Variants in ATP8A1 observed in about 807,000 individuals in gnomAD.
ATP8A1 encodes ATPase phospholipid transporting 8A1.
In ATP8A1, 90 loss-of-function variants were observed where a neutral mutation model predicts 177.7. The observed-to-expected ratio is 0.51, with a 90% CI of 0.43 to 0.60. The LOEUF (loss-of-function observed/expected upper bound fraction) is 0.60. Ranked by LOEUF, ATP8A1 falls within the 20% of genes least tolerant of loss-of-function variation. The probability of loss-of-function intolerance (pLI) is 0.00; values close to 1 mark genes in which losing one functional copy is unlikely to be tolerated. For synonymous variants in ATP8A1, 493 were observed against 485.9 expected, an observed-to-expected ratio of 1.01 and a Z score of -0.19; for missense variants, 1,072 against 1,392.8, an observed-to-expected ratio of 0.77 and a Z score of 3.67.
intron 35 of ATP8A1, among the ~76,000 whole-genome samples, chr4:42,421,340 A>T (rs1327645869): frequency 3.9e-5 from 6 of 152,176 alleles, no homozygotes; most frequent in Non-Finnish European, 8.8e-5. Context: ...ATTTTTGAAC[A>T]AACAGCAAAA....
At position 42,524,846 on chromosome 4, in the gene ATP8A1, T is replaced by A. The variant is rs1489696054; in HGVS notation, c.1724A>T (p.Asp575Val). ...GKLRLYCKGA[D>V]TVIYDRLAET... ...TGCCAGTCGATCATAAATTACAGTG[T>A]CCTGGAAAACAAACAGAGGGTAAAA... Residue 575 changes from aspartate to valine, a missense_variant and splice_region_variant, in exon 21 of 37, where the codon GAC (aspartate) becomes GTC (valine). Coordinates refer to ENST00000381668, the MANE Select transcript of ATP8A1 (RefSeq NM_006095.2). 6.3e-7 allele frequency: 1 copy of A among 1,599,562 alleles called. No homozygotes were observed. The highest frequency in any genetic ancestry group is 8.5e-7 in the Non-Finnish European group (1 of 1,172,450).
At chr4:42,635,776 C>CATAT (rs1489319364) in intron 1 of ATP8A1, among the ~76,000 whole-genome samples, 4 of 37,212 alleles carry the variant, frequency 1.1e-4, no homozygotes, top group African/African-American at 2.3e-4. Flanking sequence ...CACACACACA[C>CATAT]ACACACATAT....
At chr4:42,540,567 A>G (rs542062952) in intron 20 of ATP8A1, among the ~76,000 whole-genome samples, 3 of 150,480 alleles carry the variant, frequency 2.0e-5, no homozygotes, top group Admixed American at 1.3e-4. Flanking sequence ...AAAAAAAAAC[A>G]GGTGTATATA....
At chr4:42,422,668 T>C (rs1271263627) in intron 35 of ATP8A1, 139 bp downstream of exon 35, 11 of 649,336 alleles carry the variant, frequency 1.7e-5, no homozygotes, top group Non-Finnish European at 2.6e-5. Context: ...TAAATCCACA[T>C]GTCTCTGACT....
intron 14 of ATP8A1, among the ~76,000 whole-genome samples, chr4:42,573,009 A>T (rs1732058979): frequency 6.6e-6 from 1 of 152,214 alleles, no homozygotes; most frequent in Non-Finnish European, 1.5e-5. Context: ...TAATGATGAC[A>T]TTGTCAACAG....
At chr4:42,587,411 G>A (rs1297452647) in intron 8 of ATP8A1, among the ~76,000 whole-genome samples, 2 of 148,380 alleles carry the variant, frequency 1.3e-5, no homozygotes, top group African/African-American at 2.5e-5. Flanking sequence ...GGGTTCAAGC[G>A]ATTCTCCTGC....
intron 24 of ATP8A1, among the ~76,000 whole-genome samples, chr4:42,488,701 T>C (rs1339673132): frequency 6.6e-6 from 1 of 152,152 alleles, no homozygotes; most frequent in Non-Finnish European, 1.5e-5. Flanking sequence ...CCCTTCACAA[T>C]CTTGGTTTCT....
chr4:42,461,082 A>G (rs1719076472), intron 27 of ATP8A1, among the ~76,000 whole-genome samples: 1 of 152,250 alleles, frequency 6.6e-6, no homozygotes, highest in Non-Finnish European at 1.5e-5. Flanking sequence ...TGATTAGTCC[A>G]AATTGAGACG....
intron 1 of ATP8A1, among the ~76,000 whole-genome samples, chr4:42,638,150 G>T (rs1401994236): frequency 1.3e-5 from 2 of 152,128 alleles, no homozygotes; most frequent in Admixed American, 1.3e-4. Flanking sequence ...AAAATTCCCA[G>T]AAATTTATAG....
intron 4 of ATP8A1, among the ~76,000 whole-genome samples, chr4:42,619,774 C>T (rs1230021764): frequency 2.0e-5 from 3 of 152,136 alleles, no homozygotes; most frequent in Non-Finnish European, 4.4e-5. Context: ...ATCCAGCTCT[C>T]CACTTCCATG....
chr4:42,438,533 G>C (rs1436283545), intron 33 of ATP8A1, among the ~76,000 whole-genome samples: 2 of 152,138 alleles, frequency 1.3e-5, no homozygotes, highest in East Asian at 1.9e-4. Flanking sequence ...TCTCTAAATA[G>C]GGTTGAGGGA....
intron 22 of ATP8A1, among the ~76,000 whole-genome samples, chr4:42,519,885 T>C (rs1476440696): frequency 6.6e-6 from 1 of 152,222 alleles, no homozygotes; most frequent in African/African-American, 2.4e-5. Context: ...CTGTAAACTA[T>C]ATGTAGTTTA....
At chr4:42,418,901 C>A (rs1170597403) in intron 35 of ATP8A1, among the ~76,000 whole-genome samples, 2 of 152,074 alleles carry the variant, frequency 1.3e-5, no homozygotes, top group Non-Finnish European at 2.9e-5. Flanking sequence ...AAATATTAAT[C>A]TTCCTTAAGT....
intron 9 of ATP8A1, among the ~76,000 whole-genome samples, chr4:42,583,083 C>T (rs1047938823): frequency 2.0e-5 from 3 of 152,160 alleles, no homozygotes; most frequent in Non-Finnish European, 4.4e-5. Flanking sequence ...GGAGGCAAAG[C>T]GAGGCTGAGG....
chr4:42,448,595 AC>A (rs1322264112), intron 30 of ATP8A1, among the ~76,000 whole-genome samples: 1 of 150,706 alleles, frequency 6.6e-6, no homozygotes, highest in Non-Finnish European at 1.5e-5. Flanking sequence ...ACGGGGTTTC[AC>A]CAGGTTGGCC....
intron 1 of ATP8A1, among the ~76,000 whole-genome samples, chr4:42,650,990 C>T (rs1315900095): frequency 6.6e-6 from 1 of 152,142 alleles, no homozygotes; most frequent in Non-Finnish European, 1.5e-5. Flanking sequence ...TAGAGGAACC[C>T]AGTAGGAGGA....
intron 13 of ATP8A1, 101 bp downstream of exon 13, chr4:42,575,521 A>G: frequency 1.1e-6 from 1 of 898,726 alleles, no homozygotes; most frequent in Non-Finnish European, 1.8e-6. Context: ...ATAGTGGAAA[A>G]TTAAAAGCTG....
Position 42,461,244 on chromosome 4 carries a change from C to T in ATP8A1, c.2619+3446G>A, listed in dbSNP as rs115162829. Among the ~76,000 whole-genome samples, 204 of 84,280 alleles carry T rather than the reference C, an allele frequency of 2.4e-3. 3 individuals carry two copies. The highest frequency in any genetic ancestry group is 5.1e-3 in the East Asian group (19 of 3,734). 55.3% of individuals were successfully genotyped at this position (84,280 alleles called of 152,430 possible). A position where few individuals can be genotyped will look rare whatever the true frequency, so the allele number is the denominator to read the frequency against. Reference sequence around the variant, plus strand: ...TAAAATATACTGAGATCAATTTTTTCTTTCTTTTTTTTTTTTTTGCTTTTT... The same window carrying T: ...TAAAATATACTGAGATCAATTTTTTTTTTCTTTTTTTTTTTTTTGCTTTTT... On this transcript the variant is annotated intron_variant, in intron 27 of 36. Coordinates refer to ENST00000381668, the MANE Select transcript of ATP8A1 (RefSeq NM_006095.2).
intron 1 of ATP8A1, among the ~76,000 whole-genome samples, chr4:42,656,534 T>G (rs1303178198): frequency 5.5e-5 from 8 of 145,390 alleles, no homozygotes; most frequent in African/African-American, 1.3e-4. Context: ...GGGAGGGAGG[T>G]GGGCAGGGCG....
Sources: allele counts gnomAD v4.1 joint callset (sites outside exome capture counted in the v4.1 genomes callset), GRCh38; gene constraint gnomAD v4.1.1; transcripts MANE v1.5; gene names NCBI Gene and HGNC (gene_info 2026-07-23, HGNC 2026-07-21).